Variants in CTNND2 observed in about 807,000 individuals in gnomAD.
CTNND2 encodes catenin delta-2.
CTNND2 carries 22 observed loss-of-function variants against 144.4 expected under a neutral mutation model. That is an observed-to-expected ratio of 0.15 (90% CI 0.11 to 0.22). The LOEUF (loss-of-function observed/expected upper bound fraction) is 0.22. Ranked by LOEUF, CTNND2 falls within the 10% of genes least tolerant of loss-of-function variation. The pLI is 1.00. For synonymous variants in CTNND2, 751 were observed against 695.6 expected, an observed-to-expected ratio of 1.08 and a Z score of -1.25; for missense variants, 1,353 against 1,618.8, an observed-to-expected ratio of 0.84 and a Z score of 2.82.
intron 12 of CTNND2, among the ~76,000 whole-genome samples, chr5:11,153,870 G>A (rs1437088448): frequency 6.6e-6 from 1 of 152,176 alleles, no homozygotes; most frequent in Non-Finnish European, 1.5e-5. Flanking sequence ...TTCAGCTGGA[G>A]ATAAAGTCCT....
chr5:11,339,421 A>G (rs1266000215), intron 9 of CTNND2, among the ~76,000 whole-genome samples: 1 of 152,182 alleles, frequency 6.6e-6, no homozygotes, highest in South Asian at 2.1e-4. Flanking sequence ...GGGCTGGTAC[A>G]TGGTGAGGAA....
intron 18 of CTNND2, among the ~76,000 whole-genome samples, chr5:10,996,778 T>C (rs1392592310): frequency 2.6e-5 from 4 of 152,064 alleles, no homozygotes; most frequent in African/African-American, 9.7e-5. Flanking sequence ...TTTATATTTT[T>C]AGTAGAGACG....
At chr5:11,709,376 T>C (rs1249952696) in intron 2 of CTNND2, among the ~76,000 whole-genome samples, 1 of 152,232 alleles carries the variant, frequency 6.6e-6, no homozygotes, top group East Asian at 1.9e-4. Context: ...GAATGATCTC[T>C]TATTCAATGA....
At chr5:11,777,332 A>G (rs1790312492) in intron 1 of CTNND2, among the ~76,000 whole-genome samples, 1 of 152,250 alleles carries the variant, frequency 6.6e-6, no homozygotes, top group African/African-American at 2.4e-5. Context: ...GACTAGAACC[A>G]TCACAGTCCA....
chr5:11,669,181 G>A (rs1783740041), intron 2 of CTNND2, among the ~76,000 whole-genome samples: 1 of 152,118 alleles, frequency 6.6e-6, no homozygotes. Flanking sequence ...TTTTATTGAG[G>A]ATTTTCGCAG....
At chr5:11,247,675 AAATGATTAGCCCC>A (rs1325332268) in intron 9 of CTNND2, among the ~76,000 whole-genome samples, 1 of 152,200 alleles carries the variant, frequency 6.6e-6, no homozygotes, top group Non-Finnish European at 1.5e-5. Flanking sequence ...GAATGATGTA[AAATGATTAGCCCC>A]AATTTATGCT....
Position 11,628,170 on chromosome 5 carries a change from C to T in CTNND2, c.175-63114G>A, listed in dbSNP as rs1027484597. Among the ~76,000 whole-genome samples the T allele has an allele frequency of 7.2e-5, 11 of 151,946 alleles. No individual in the cohort carries two copies. The South Asian group carries it at 1.3e-3, about 17-fold the overall frequency. ...ACAGATTCCACACGTTTTCACCATG[C>T]GGAACAATGGGTAAATCCAAAAAGA... On this transcript the variant is annotated intron_variant, in intron 2 of 21. Transcript: ENST00000304623.
intron 2 of CTNND2, among the ~76,000 whole-genome samples, chr5:11,705,213 T>C (rs571285919): frequency 6.6e-6 from 1 of 152,314 alleles, no homozygotes; most frequent in Admixed American, 6.5e-5. Context: ...TCAGCTTCTC[T>C]GCCCAAAGAT....
At chr5:11,133,874 T>A (rs1180866480) in intron 12 of CTNND2, among the ~76,000 whole-genome samples, 1 of 152,210 alleles carries the variant, frequency 6.6e-6, no homozygotes, top group African/African-American at 2.4e-5. Context: ...CTTCCATTAT[T>A]GTCATGATTG....
intron 9 of CTNND2, among the ~76,000 whole-genome samples, chr5:11,248,365 G>A (rs1743222657): frequency 6.6e-6 from 1 of 151,436 alleles, no homozygotes; most frequent in African/African-American, 2.4e-5. Context: ...ATGTGCATGT[G>A]GGCACATGTG....
chr5:11,325,203 A>G (rs912285492), intron 9 of CTNND2, among the ~76,000 whole-genome samples: 4 of 152,176 alleles, frequency 2.6e-5, no homozygotes, highest in Admixed American at 2.0e-4. Flanking sequence ...CAGTTGTTAA[A>G]GGAATTTCCA....
chr5:11,537,742 G>GGA (rs1774352052), intron 3 of CTNND2, among the ~76,000 whole-genome samples: 1 of 152,190 alleles, frequency 6.6e-6, no homozygotes, highest in Non-Finnish European at 1.5e-5. Flanking sequence ...TATATTTAAA[G>GGA]TATAGTACCA....
intron 3 of CTNND2, among the ~76,000 whole-genome samples, chr5:11,467,604 A>C (rs1369671325): frequency 6.6e-6 from 1 of 152,220 alleles, no homozygotes; most frequent in African/African-American, 2.4e-5. Flanking sequence ...ATAAGTACGT[A>C]GACTTAACAA....
chr5:11,457,841 T>C (rs934254471), intron 3 of CTNND2, among the ~76,000 whole-genome samples: 5 of 152,160 alleles, frequency 3.3e-5, no homozygotes, highest in Non-Finnish European at 7.4e-5. Context: ...TTGACTGCAG[T>C]CCATGGGCTC....
At chr5:11,692,825 CT>C (rs1784969823) in intron 2 of CTNND2, among the ~76,000 whole-genome samples, 1 of 152,210 alleles carries the variant, frequency 6.6e-6, no homozygotes. Context: ...TGGTCTTGTA[CT>C]CCTGATCTCA....
chr5:11,489,316 G>C (rs1052364241), intron 3 of CTNND2, among the ~76,000 whole-genome samples: 1 of 152,080 alleles, frequency 6.6e-6, no homozygotes, highest in African/African-American at 2.4e-5. Context: ...ACATCCATGT[G>C]CTTAGTTGGC....
chr5:11,880,580 TAC>T, intron 1 of CTNND2, among the ~76,000 whole-genome samples: 1 of 129,382 alleles, frequency 7.7e-6, no homozygotes, highest in Non-Finnish European at 1.7e-5. Context: ...CTACTACTAC[TAC>T]CACTACTCCT....
chr5:11,688,174 T>A (rs1784742396), intron 2 of CTNND2, among the ~76,000 whole-genome samples: 2 of 152,144 alleles, frequency 1.3e-5, no homozygotes. Context: ...TATTAACGTT[T>A]CTGGGAAGTT....
intron 3 of CTNND2, among the ~76,000 whole-genome samples, chr5:11,454,707 T>C (rs1765587223): frequency 6.6e-6 from 1 of 151,802 alleles, no homozygotes; most frequent in Non-Finnish European, 1.5e-5. Flanking sequence ...AGCAAGTCTC[T>C]CTCATGCCTC....
Sources: gnomAD v4.1 joint callset for allele counts (sites outside exome capture counted in the v4.1 genomes callset) on GRCh38, gnomAD v4.1.1 for gene constraint, MANE v1.5 for transcripts, NCBI Gene and HGNC (gene_info 2026-07-23, HGNC 2026-07-21) for gene names.